The following INSR variants were observed in gnomAD, a reference collection of about 807,000 sequenced individuals.
The protein encoded by INSR is insulin receptor.
In INSR, 67 loss-of-function variants were observed where a neutral mutation model predicts 142.6. That is an observed-to-expected ratio of 0.47 (90% CI 0.39 to 0.58). The LOEUF is 0.58. Among genes scored for constraint, INSR ranks in the 20% least tolerant of loss-of-function variants. The pLI, the probability that INSR is intolerant of heterozygous loss-of-function variation, is 0.00. For synonymous variants in INSR, 756 were observed against 743.1 expected (o/e 1.02, Z -0.28); for missense variants, 1,248 against 1,833.2 (o/e 0.68, Z 5.83).
chr19:7,136,946 T>C (rs540404769), intron 13 of INSR, among the ~76,000 whole-genome samples: 9 of 151,802 alleles, frequency 5.9e-5, no homozygotes, highest in Non-Finnish European at 1.2e-4. Context: ...GATTCTCTTG[T>C]CTTAGCCTCC....
intron 2 of INSR, among the ~76,000 whole-genome samples, chr19:7,197,993 G>A (rs35296670): frequency 0.18 from 25,192 of 142,146 alleles, 2,634 homozygotes; most frequent in Non-Finnish European, 0.24. Flanking sequence ...GGGAGTGTGT[G>A]TGTGTCCATG....
chr19:7,247,928 T>C (rs1976584610), intron 2 of INSR, among the ~76,000 whole-genome samples: 1 of 152,184 alleles, frequency 6.6e-6, no homozygotes. Context: ...TTGCCACATG[T>C]GGCTGTGGCT....
At chr19:7,203,734 G>GA (rs1568484732) in intron 2 of INSR, among the ~76,000 whole-genome samples, 1 of 152,122 alleles carries the variant, frequency 6.6e-6, no homozygotes, top group Non-Finnish European at 1.5e-5. Context: ...GGGACGTACT[G>GA]AATTTCTGCA....
intron 13 of INSR, among the ~76,000 whole-genome samples, chr19:7,137,953 CTTTTTTCTTTTTCTTT>C (rs1290683554): frequency 6.7e-6 from 1 of 149,038 alleles, no homozygotes; most frequent in Non-Finnish European, 1.5e-5. Flanking sequence ...CCTTTTTCTT[CTTTTTTCTTTTTCTTT>C]TTTTTTTTTT....
At position 7,150,510 on chromosome 19, in the gene INSR, C is replaced by A; in HGVS notation, c.2254G>T (p.Ala752Ser). The change falls in exon 11 of 22, where the codon GCC (alanine) becomes TCC (serine). Residue 752 changes from alanine to serine, a missense_variant. Transcript: ENST00000302850. The surrounding 1 kb of genome is among the most constrained non-coding windows in gnomAD (Gnocchi z 4.2). ...GGTGAGTCATACCTAGGGTCCTCGG[C>A]ACCAGTGCCTGAAGAGGTTTTTCTG... ...VPRKTSSGTG[A>S]EDPRPSRKRR... 1 of 1,614,196 alleles carries A rather than the reference C, an allele frequency of 6.2e-7. No homozygotes were observed.
At chr19:7,246,668 G>GTGGATACAA (rs1976544424) in intron 2 of INSR, among the ~76,000 whole-genome samples, 2 of 152,084 alleles carry the variant, frequency 1.3e-5, no homozygotes, top group South Asian at 4.2e-4. Context: ...ATGATTGAAC[G>GTGGATACAA]TGGATACAAC....
At position 7,233,070 on chromosome 19, in the gene INSR, T is replaced by C. The variant is rs372305721; in HGVS notation, c.652+34275A>G. Among the ~76,000 whole-genome samples the C allele has an allele frequency of 9.0e-4, 137 of 152,206 alleles. 1 individual carries two copies. The highest frequency in any genetic ancestry group is 3.0e-3 in the African/African-American group (124 of 41,550). On this transcript the variant is annotated intron_variant, in intron 2 of 21. Transcript: ENST00000302850. ...GCGCCACCTCGCCATCTCGGCTCAC[T>C]GCAACCTCCGCTTCCTGGGTTCAAG...
chr19:7,237,847 T>A lies in INSR; in HGVS notation c.652+29498A>T, dbSNP rs184092338. Among the ~76,000 whole-genome samples the A allele has an allele frequency of 5.1e-3, 768 of 151,668 alleles. 14 individuals carry two copies. Among genetic ancestry groups the A allele is most frequent in the East Asian group, 0.044 (230 of 5,170 alleles). ...ATAAATAAATAAAATTAAATTAAAT[T>A]AAATTAAATTAAATTTTTAAAAATT... On this transcript the variant is annotated intron_variant, in intron 2 of 21. Coordinates refer to ENST00000302850, the MANE Select transcript of INSR (RefSeq NM_000208.4).
chr19:7,277,963 G>A (rs1445810278), intron 1 of INSR, among the ~76,000 whole-genome samples: 3 of 151,454 alleles, frequency 2.0e-5, no homozygotes, highest in Admixed American at 6.6e-5. Flanking sequence ...GCACGGTAGC[G>A]CTCGCCTGTA....
intron 8 of INSR, among the ~76,000 whole-genome samples, chr19:7,163,971 C>T (rs929362573): frequency 3.8e-5 from 5 of 131,164 alleles, no homozygotes; most frequent in African/African-American, 5.9e-5. Flanking sequence ...TGGTGGTGGG[C>T]GCCTGTAATC....
At chr19:7,126,515 T>C in intron 16 of INSR, 69 bp downstream of exon 16, 1 of 1,364,508 alleles carries the variant, frequency 7.3e-7, no homozygotes, top group Non-Finnish European at 1.0e-6. Flanking sequence ...TCACTCTCAC[T>C]CAATGGTGAA....
intron 2 of INSR, among the ~76,000 whole-genome samples, chr19:7,242,881 C>G (rs1458798411): frequency 6.6e-6 from 1 of 151,518 alleles, no homozygotes; most frequent in Non-Finnish European, 1.5e-5. Context: ...GAATCCAAAT[C>G]AGAACTCCTC....
rs920569699 is a variant in INSR at position 7,216,758 on chromosome 19, G to A, written c.653-32121C>T. On this transcript the variant is annotated intron_variant, in intron 2 of 21. Coordinates refer to ENST00000302850, the MANE Select transcript of INSR (RefSeq NM_000208.4). This position sits in a 1 kb window ranked among gnomAD's most constrained non-coding sequence, Gnocchi z 4.2. ...AGGCCCAGGTGCTGGGTTTCTCACCGTATCCATTTCCCATTGCTGCTGTCA... is the reference window on the plus strand; with the variant it reads ...AGGCCCAGGTGCTGGGTTTCTCACCATATCCATTTCCCATTGCTGCTGTCA... Among the ~76,000 whole-genome samples, 3 of 152,136 alleles carry A rather than the reference G, an allele frequency of 2.0e-5. No individual in the cohort carries two copies. The highest frequency in any genetic ancestry group is 4.4e-5 in the Non-Finnish European group (3 of 68,028).
intron 2 of INSR, among the ~76,000 whole-genome samples, chr19:7,240,130 T>C (rs990696381): frequency 6.6e-6 from 1 of 152,152 alleles, no homozygotes; most frequent in African/African-American, 2.4e-5. Flanking sequence ...TCCTAAGGGA[T>C]AGTACTACTT....
At chr19:7,186,676 G>A (rs1974440199) in intron 2 of INSR, among the ~76,000 whole-genome samples, 1 of 151,918 alleles carries the variant, frequency 6.6e-6, no homozygotes, top group Non-Finnish European at 1.5e-5. Flanking sequence ...CCTGGCACCT[G>A]CCATTTTACT....
rs934726346 is a variant in INSR at position 7,192,050 on chromosome 19, G to A, written c.653-7413C>T. On this transcript the variant is annotated intron_variant, in intron 2 of 21. Coordinates refer to ENST00000302850, the MANE Select transcript of INSR (RefSeq NM_000208.4). This position sits in a 1 kb window ranked among gnomAD's most constrained non-coding sequence, Gnocchi z 4.2. ...AAAGAGAAAGAAAGAGGCAGGAAGGGAGGGAGAAAGAAAGAAGGAAAGAAA... is the reference window on the plus strand; with the variant it reads ...AAAGAGAAAGAAAGAGGCAGGAAGGAAGGGAGAAAGAAAGAAGGAAAGAAA... Among the ~76,000 whole-genome samples, 6 of 148,302 alleles carry A rather than the reference G, an allele frequency of 4.0e-5. No individual in the cohort carries two copies. Among genetic ancestry groups the A allele is most frequent in the East Asian group, 2.0e-4 (1 of 5,072 alleles).
At chr19:7,146,387 G>A (rs147126876) in intron 11 of INSR, among the ~76,000 whole-genome samples, 68 of 151,896 alleles carry the variant, frequency 4.5e-4, no homozygotes, top group East Asian at 1.5e-3. Flanking sequence ...GATTACAGGC[G>A]TGTGCCACCA....
At chr19:7,257,909 G>A (rs1393556634) in intron 2 of INSR, among the ~76,000 whole-genome samples, 1 of 152,128 alleles carries the variant, frequency 6.6e-6, no homozygotes, top group African/African-American at 2.4e-5. Context: ...TGCAACTTCC[G>A]CCTCCCAGGT....
At position 7,287,263 on chromosome 19, in the gene INSR, G is replaced by A. The variant is rs537773045; in HGVS notation, c.100+6529C>T. Among the ~76,000 whole-genome samples, 3 of 150,586 alleles carry A rather than the reference G, an allele frequency of 2.0e-5. No individual in the cohort carries two copies. In the South Asian group the frequency reaches 6.3e-4, roughly 32 times the overall value. ...CAACCTCCACCTCCCAGGTTCAAGC[G>A]ATTCTCCTGCCTCAGCCTCCCAACT... is the stretch of plus-strand genomic sequence containing the variant. On this transcript the variant is annotated intron_variant, in intron 1 of 21. Transcript: ENST00000302850.
Sources: gnomAD v4.1 joint callset for allele counts (sites outside exome capture counted in the v4.1 genomes callset) on GRCh38, gnomAD v4.1.1 for gene constraint, Gnocchi (gnomAD v3.1) non-coding constraint, MANE v1.5 for transcripts, NCBI Gene and HGNC (gene_info 2026-07-23, HGNC 2026-07-21) for gene names.